The following CELF2 variants were observed in gnomAD, a reference collection of about 807,000 sequenced individuals.
CELF2 encodes the protein CUG triplet repeat RNA-binding protein 2.
Under a neutral mutation model 62.6 loss-of-function variants are expected in CELF2, and 8 were observed. That is an observed-to-expected ratio of 0.13 (90% CI 0.07 to 0.23). The LOEUF (loss-of-function observed/expected upper bound fraction) is 0.23, where lower values mean the gene tolerates loss of function less well. CELF2 is among the 10% of genes least tolerant of loss of function. The pLI is 1.00. For synonymous variants in CELF2, 258 were observed against 250.0 expected (o/e 1.03, Z -0.30); for missense variants, 333 against 671.0 (o/e 0.50, Z 5.56).
At chr10:11,059,255 A>G (rs1342939907) in intron 1 of CELF2, among the ~76,000 whole-genome samples, 1 of 152,156 alleles carries the variant, frequency 6.6e-6, no homozygotes, top group Non-Finnish European at 1.5e-5. Flanking sequence ...TCTATTCCTT[A>G]ATCCCTGGCT....
chr10:10,882,964 A>G (rs1031709354), intron 1 of CELF2, among the ~76,000 whole-genome samples: 1 of 152,186 alleles, frequency 6.6e-6, no homozygotes, highest in African/African-American at 2.4e-5. Flanking sequence ...TCTGGGCATG[A>G]TAAGATGGCG....
chr10:11,018,341 CGA>C (rs2057662892), intron 1 of CELF2, among the ~76,000 whole-genome samples, 178 bp downstream of exon 1: 1 of 151,566 alleles, frequency 6.6e-6, no homozygotes, highest in Non-Finnish European at 1.5e-5. Context: ...CGGGTGCGGA[CGA>C]GCAGCGCCGG....
chr10:11,056,819 G>GA (rs1178519607), intron 1 of CELF2, among the ~76,000 whole-genome samples: 1 of 152,172 alleles, frequency 6.6e-6, no homozygotes, highest in Non-Finnish European at 1.5e-5. Context: ...ATCAAAGTCT[G>GA]AAAATGTGTC....
At chr10:11,295,920 TGGATACTC>T (rs1415898257) in intron 9 of CELF2, among the ~76,000 whole-genome samples, 3 of 152,172 alleles carry the variant, frequency 2.0e-5, no homozygotes, top group African/African-American at 7.2e-5. Flanking sequence ...AGTGAGTGGA[TGGATACTC>T]CAGGCAGTTG....
chr10:11,040,315 T>G (rs1033367628), intron 1 of CELF2, among the ~76,000 whole-genome samples: 1 of 152,198 alleles, frequency 6.6e-6, no homozygotes, highest in African/African-American at 2.4e-5. Context: ...AGGGTCTCTG[T>G]TTCGAAAACA....
At chr10:11,249,296 T>TC in intron 4 of CELF2, 95 bp downstream of exon 4, 1 of 997,692 alleles carries the variant, frequency 1.0e-6, no homozygotes, top group Non-Finnish European at 1.6e-6. Flanking sequence ...CAGCTGCTTT[T>TC]CTCTCTAGAG....
chr10:11,092,820 G>A (rs1244258229), intron 1 of CELF2, among the ~76,000 whole-genome samples: 4 of 152,150 alleles, frequency 2.6e-5, no homozygotes, highest in Admixed American at 2.0e-4. Flanking sequence ...GGGATAGCAT[G>A]GCCTGAACCC....
At chr10:10,781,809 C>T in the CELF2 span, among the ~76,000 whole-genome samples, 1 of 152,130 alleles carries the variant, frequency 6.6e-6, no homozygotes, top group African/African-American at 2.4e-5. Flanking sequence ...GAACATATCC[C>T]CATTGTTAAG....
chr10:10,547,783 A>C, the CELF2 span, among the ~76,000 whole-genome samples: 3 of 151,348 alleles, frequency 2.0e-5, no homozygotes, highest in African/African-American at 7.3e-5. Context: ...TGATTCATCA[A>C]ATAGGTAAAA....
intron 2 of CELF2, among the ~76,000 whole-genome samples, chr10:10,996,699 C>T (rs1450250033): frequency 2.0e-5 from 3 of 152,206 alleles, no homozygotes; most frequent in Non-Finnish European, 4.4e-5. Context: ...TTTGCTGGAA[C>T]ATCCTCCTTT....
chr10:10,961,035 C>A (rs1032218753), intron 2 of CELF2, among the ~76,000 whole-genome samples: 1 of 152,266 alleles, frequency 6.6e-6, no homozygotes, highest in South Asian at 2.1e-4. Context: ...TTAGCACAGC[C>A]CCCAGCTGCC....
At chr10:11,240,924 C>G (rs923692062) in intron 3 of CELF2, among the ~76,000 whole-genome samples, 1 of 151,976 alleles carries the variant, frequency 6.6e-6, no homozygotes, top group Non-Finnish European at 1.5e-5. Flanking sequence ...GGCTTGTGCT[C>G]CCACCGGACA....
intron 2 of CELF2, among the ~76,000 whole-genome samples, chr10:11,204,114 G>C (rs1433853055): frequency 2.0e-5 from 3 of 152,178 alleles, no homozygotes; most frequent in Non-Finnish European, 2.9e-5. Context: ...TCCTCACTTG[G>C]AGAATGAATT....
At chr10:10,945,492 T>G (rs1443801248) in intron 2 of CELF2, among the ~76,000 whole-genome samples, 1 of 152,144 alleles carries the variant, frequency 6.6e-6, no homozygotes. Context: ...TGATTTCCAG[T>G]TTACACCACA....
rs568680991 is a variant in CELF2, at chr10:11,211,055, G to A, written c.272-6370G>A. ...GCACTTTGGGAGGCCAAGGCAGGAG[G>A]ACCACTTGAGACGAGGAGTTTGAGA... On this transcript the variant is annotated intron_variant, in intron 2 of 12. Transcript: ENST00000633077. The surrounding 1 kb of genome is among the most constrained non-coding windows in gnomAD (Gnocchi z 4.8). Among the ~76,000 whole-genome samples the A allele has an allele frequency of 6.6e-6, 1 of 152,322 alleles. No homozygotes were observed. Among genetic ancestry groups the A allele is most frequent in the East Asian group, 1.9e-4 (1 of 5,194 alleles).
At chr10:10,706,239 T>C in the CELF2 span, among the ~76,000 whole-genome samples, 11 of 152,334 alleles carry the variant, frequency 7.2e-5, no homozygotes, top group Admixed American at 2.0e-4. Context: ...TGATACATCA[T>C]GTTGCTTTGA....
chr10:10,994,953 C>T (rs549148635), intron 2 of CELF2, among the ~76,000 whole-genome samples: 1 of 152,162 alleles, frequency 6.6e-6, no homozygotes, highest in South Asian at 2.1e-4. Context: ...CCAGTGAAGG[C>T]ACACCCTTCA....
rs926214816 is a variant in CELF2 at position 11,280,775 on chromosome 10, A to G, written c.841+5655A>G. ...TCTGGGTGGGGGAAACGGTGCCCTC[A>G]CTGCCCTCCAGCCTCAGTCCTGGTT... On this transcript the variant is annotated intron_variant, in intron 8 of 12. Transcript: ENST00000633077. The surrounding 1 kb of genome is among the most constrained non-coding windows in gnomAD (Gnocchi z 7.6). 6.6e-6 allele frequency among the ~76,000 whole-genome samples: 1 copy of G among 152,044 alleles called. No individual in the cohort carries two copies. Among genetic ancestry groups the G allele is most frequent in the African/African-American group, 2.4e-5 (1 of 41,400 alleles).
At chr10:10,820,393 A>T (rs1470929628) in intron 1 of CELF2, among the ~76,000 whole-genome samples, 1 of 152,178 alleles carries the variant, frequency 6.6e-6, no homozygotes, top group East Asian at 1.9e-4. Context: ...TTGATCAATG[A>T]CTTCCACCAT....
Sources: allele counts gnomAD v4.1 joint callset (sites outside exome capture counted in the v4.1 genomes callset), GRCh38; gene constraint gnomAD v4.1.1; non-coding constraint Gnocchi (gnomAD v3.1); transcripts MANE v1.5; gene names NCBI Gene and HGNC (gene_info 2026-07-23, HGNC 2026-07-21).